The following ZSWIM6 variants were observed in gnomAD, a reference collection of about 807,000 sequenced individuals.
ZSWIM6 encodes zinc finger SWIM-type containing 6.
A neutral mutation model predicts 113.2 loss-of-function variants in ZSWIM6; 9 were observed. The ratio of observed to expected loss-of-function variants is 0.08; its 90% CI spans 0.05 to 0.14. ZSWIM6 has a LOEUF of 0.14. Among genes scored for constraint, ZSWIM6 ranks in the 10% least tolerant of loss-of-function variants. The pLI is 1.00. For missense variants in ZSWIM6, 1,162 were observed against 1,552.2 expected, an observed-to-expected ratio of 0.75 and a Z score of 4.22; for synonymous variants, 611 against 606.5, an observed-to-expected ratio of 1.01 and a Z score of -0.11.
chr5:61,373,252 T>A (rs1458421761), intron 1 of ZSWIM6, among the ~76,000 whole-genome samples: 1 of 152,188 alleles, frequency 6.6e-6, no homozygotes, highest in Non-Finnish European at 1.5e-5. Context: ...CTGGCTCTAT[T>A]TACATTTAAG....
chr5:61,375,525 T>A, intron 1 of ZSWIM6: 1 of 1,552,384 alleles, frequency 6.4e-7, no homozygotes, highest in Non-Finnish European at 8.7e-7. Flanking sequence ...AGAAGAACCG[T>A]TCACATAAAT....
intron 1 of ZSWIM6, among the ~76,000 whole-genome samples, chr5:61,346,827 T>G (rs1022391409): frequency 6.6e-6 from 1 of 152,248 alleles, no homozygotes; most frequent in Non-Finnish European, 1.5e-5. Context: ...AAGGCCTGGA[T>G]TGTATTGCAT....
chr5:61,462,830 G>A (rs1236758986), intron 1 of ZSWIM6, among the ~76,000 whole-genome samples: 1 of 152,172 alleles, frequency 6.6e-6, no homozygotes, highest in Admixed American at 6.5e-5. Context: ...TCAAGGCTAA[G>A]TTCACCAAAC....
chr5:61,461,664 T>C (rs1207991577), intron 1 of ZSWIM6, among the ~76,000 whole-genome samples: 1 of 152,172 alleles, frequency 6.6e-6, no homozygotes, highest in East Asian at 1.9e-4. Flanking sequence ...TACCAGGCTC[T>C]CAGAACAGGT....
At chr5:61,336,444 A>T (rs1321985288) in intron 1 of ZSWIM6, among the ~76,000 whole-genome samples, 1 of 152,114 alleles carries the variant, frequency 6.6e-6, no homozygotes, top group Non-Finnish European at 1.5e-5. Flanking sequence ...AACTTGGAAA[A>T]GAGATAAATT....
intron 3 of ZSWIM6, among the ~76,000 whole-genome samples, chr5:61,492,207 TAAATC>T (rs1748200433): frequency 6.6e-6 from 1 of 152,194 alleles, no homozygotes; most frequent in Non-Finnish European, 1.5e-5. Flanking sequence ...AAATAAACAT[TAAATC>T]AAATCCATAA....
At chr5:61,461,670 C>G (rs1026463014) in intron 1 of ZSWIM6, among the ~76,000 whole-genome samples, 10 of 152,104 alleles carry the variant, frequency 6.6e-5, no homozygotes, top group Non-Finnish European at 1.5e-4. Flanking sequence ...GCTCTCAGAA[C>G]AGGTGCTGGA....
At chr5:61,466,573 AT>A (rs910471371) in intron 1 of ZSWIM6, among the ~76,000 whole-genome samples, 1 of 152,098 alleles carries the variant, frequency 6.6e-6, no homozygotes, top group Non-Finnish European at 1.5e-5. Flanking sequence ...CAGGGCGCAT[AT>A]TTTTTTGGAA....
At position 61,545,565 on chromosome 5, in the gene ZSWIM6, T is replaced by A. The variant is rs760287152; in HGVS notation, c.*1248T>A. 2 of 152,146 alleles carry A rather than the reference T, an allele frequency of 1.3e-5. No homozygotes were observed. Among genetic ancestry groups the A allele is most frequent in the Non-Finnish European group, 2.9e-5 (2 of 68,022 alleles). 9.4% of individuals were successfully genotyped at this position (152,146 alleles called of 1,614,324 possible). A position where few individuals can be genotyped will look rare whatever the true frequency, so the allele number is the denominator to read the frequency against. On this transcript the variant is annotated 3_prime_UTR_variant, in exon 14 of 14. Transcript: ENST00000252744. ...AGCTAACCTTTGTGCACAAATAACA[T>A]TATATATATTATATATCTATTCTGC...
chr5:61,544,271 A>G lies in ZSWIM6; in HGVS notation c.3602A>G (p.Lys1201Arg). The change falls in exon 14 of 14, where the codon AAA becomes AGA. Residue 1201 changes from lysine to arginine, a missense_variant. Physicochemically the swap from Lys to Arg is conservative, Grantham distance 26. Coordinates refer to ENST00000252744, the MANE Select transcript of ZSWIM6 (RefSeq NM_020928.2). ...QFIDNLKQIY[K>R]GKKKLMMLVR... ...ATTGACAACCTGAAACAAATCTACA[A>G]AGGCAAAAAGAAACTGATGATGTTG... 2 of 1,542,984 alleles carry G rather than the reference A, an allele frequency of 1.3e-6. 1 individual carries two copies. Among genetic ancestry groups the G allele is most frequent in the South Asian group, 2.4e-5 (2 of 83,882 alleles).
chr5:61,385,595 C>G (rs890637764), intron 1 of ZSWIM6, among the ~76,000 whole-genome samples: 4 of 152,214 alleles, frequency 2.6e-5, no homozygotes, highest in Non-Finnish European at 4.4e-5. Flanking sequence ...ATCTTGGCCC[C>G]TGCATTGGCA....
intron 1 of ZSWIM6, among the ~76,000 whole-genome samples, chr5:61,442,639 G>T (rs926748689): frequency 1.3e-5 from 2 of 152,134 alleles, no homozygotes; most frequent in South Asian, 4.1e-4. Flanking sequence ...TCCTAAATTG[G>T]CTTTGCTGGA....
At position 61,464,158 on chromosome 5, in the gene ZSWIM6, ATTTTTTTTTTTT is replaced by A. The variant is rs869288331; in HGVS notation, c.677-8501_677-8490del. ...AGGTGCATGCCAACACACCCGGCTA[ATTTTTTTTTTTT>A]TTTTTTTTTTTTTTTTTTTTTGCAT... is the stretch of plus-strand genomic sequence containing the variant. On this transcript the variant is annotated intron_variant, in intron 1 of 13. Transcript: ENST00000252744. 2.7e-3 allele frequency among the ~76,000 whole-genome samples: 118 copies of A among 43,528 alleles called. 1 individual carries two copies. The highest frequency in any genetic ancestry group is 5.5e-3 in the South Asian group (4 of 732). The allele number at this position is 43,528 out of a possible 152,430, so 28.6% of individuals were successfully genotyped here. A position where few individuals can be genotyped will look rare whatever the true frequency, so the allele number is the denominator to read the frequency against.
chr5:61,453,231 A>G (rs1264363950), intron 1 of ZSWIM6, among the ~76,000 whole-genome samples: 1 of 151,976 alleles, frequency 6.6e-6, no homozygotes, highest in Non-Finnish European at 1.5e-5. Context: ...ATAAAATTGT[A>G]TGTATTTTAC....
At chr5:61,380,565 G>A (rs1745453239) in intron 1 of ZSWIM6, among the ~76,000 whole-genome samples, 1 of 152,192 alleles carries the variant, frequency 6.6e-6, no homozygotes, top group Non-Finnish European at 1.5e-5. Flanking sequence ...TTCATATGAA[G>A]CCTGAGAGTC....
At chr5:61,488,722 G>A (rs1446944847) in intron 2 of ZSWIM6, among the ~76,000 whole-genome samples, 1 of 151,284 alleles carries the variant, frequency 6.6e-6, no homozygotes, top group Admixed American at 6.6e-5. Context: ...AGTCTATCTA[G>A]CACAAACATC....
intron 1 of ZSWIM6, among the ~76,000 whole-genome samples, chr5:61,401,062 T>C (rs1273079640): frequency 6.6e-6 from 1 of 152,234 alleles, no homozygotes; most frequent in African/African-American, 2.4e-5. Flanking sequence ...TATAGACGTT[T>C]GGATTAGTGG....
At chr5:61,416,086 A>G (rs1746246651) in intron 1 of ZSWIM6, among the ~76,000 whole-genome samples, 1 of 152,230 alleles carries the variant, frequency 6.6e-6, no homozygotes, top group Admixed American at 6.5e-5. Context: ...ACTGGATACA[A>G]AAAGGGTTAT....
At chr5:61,413,178 C>A (rs1346412724) in intron 1 of ZSWIM6, among the ~76,000 whole-genome samples, 1 of 113,814 alleles carries the variant, frequency 8.8e-6, no homozygotes, top group South Asian at 3.7e-4. Context: ...CCCCCTCCCC[C>A]CACCCCACAA....
Sources: allele counts gnomAD v4.1 joint callset (sites outside exome capture counted in the v4.1 genomes callset), GRCh38; gene constraint gnomAD v4.1.1; transcripts MANE v1.5; gene names NCBI Gene and HGNC (gene_info 2026-07-23, HGNC 2026-07-21).